The following PTGR3 variants were observed in gnomAD, a reference collection of about 807,000 sequenced individuals.
The protein encoded by PTGR3 is zinc binding alcohol dehydrogenase domain containing 2.
the PTGR3 span, chr18:75,208,599 A>G: frequency 3.0e-5 from 28 of 929,702 alleles, no homozygotes; most frequent in Middle Eastern, 1.6e-3. Flanking sequence ...GGGAATCCCA[A>G]ATTAAAATAA....
the PTGR3 span, chr18:75,201,295 C>A: frequency 4.6e-6 from 4 of 866,538 alleles, no homozygotes; most frequent in South Asian, 1.9e-5. Context: ...TTCATTAACA[C>A]CTTACTTTTG....
At chr18:75,208,706 C>T in the PTGR3 span, 3 of 930,856 alleles carry the variant, frequency 3.2e-6, no homozygotes, top group African/African-American at 1.7e-5. Flanking sequence ...TTCAACTTCC[C>T]GGGATCTCGC....
chr18:75,198,234 T>C, the PTGR3 span: 3 of 152,192 alleles, frequency 2.0e-5, no homozygotes, highest in African/African-American at 7.2e-5. Context: ...GCTTCCAGCA[T>C]CTTGTGGTGG....
At chr18:75,201,505 T>C in the PTGR3 span, 4 of 1,614,232 alleles carry the variant, frequency 2.5e-6, no homozygotes, top group Non-Finnish European at 8.5e-7. Context: ...GCACGGAATA[T>C]GGACTCCAGG....
the PTGR3 span, chr18:75,198,119 A>C: frequency 6.6e-6 from 1 of 152,240 alleles, no homozygotes; most frequent in East Asian, 1.9e-4. Context: ...CCCAGGTACA[A>C]GTCGGGTGGC....
At chr18:75,209,111 G>C in the PTGR3 span, 1 of 1,375,946 alleles carries the variant, frequency 7.3e-7, no homozygotes. This position sits in a 1 kb window ranked among gnomAD's most constrained non-coding sequence, Gnocchi z 4.7. Flanking sequence ...GTCGGCCCCC[G>C]CCCGGGCCGC....
chr18:75,202,135 TG>T, the PTGR3 span: 1 of 1,614,134 alleles, frequency 6.2e-7, no homozygotes, highest in Non-Finnish European at 8.5e-7. Context: ...GGAGTTGCAA[TG>T]CTGGCAGGCA....
At chr18:75,204,372 C>T in the PTGR3 span, among the ~76,000 whole-genome samples, 4 of 152,226 alleles carry the variant, frequency 2.6e-5, no homozygotes, top group Middle Eastern at 3.2e-3. Flanking sequence ...ACCGGGTTAG[C>T]AGAGGCCAAG....
the PTGR3 span, chr18:75,195,400 A>G: frequency 6.6e-6 from 1 of 152,216 alleles, no homozygotes; most frequent in Non-Finnish European, 1.5e-5. Context: ...ACCCCTAGTC[A>G]GCCGTATCCC....
chr18:75,203,261 TAGG>T, the PTGR3 span, among the ~76,000 whole-genome samples: 2 of 152,208 alleles, frequency 1.3e-5, no homozygotes, highest in Admixed American at 6.5e-5. Flanking sequence ...TCCTGATACA[TAGG>T]AGGAAAAAAG....
At chr18:75,208,969 G>C in the PTGR3 span, 1 of 1,595,004 alleles carries the variant, frequency 6.3e-7, no homozygotes, top group African/African-American at 1.4e-5. Flanking sequence ...GCATGGCTTG[G>C]GGAATGGCGG....
At chr18:75,201,865 C>A in the PTGR3 span, 6 of 1,614,164 alleles carry the variant, frequency 3.7e-6, no homozygotes, top group Non-Finnish European at 4.2e-6. Flanking sequence ...ACGGTACCTA[C>A]GGGTTCAGTT....
the PTGR3 span, chr18:75,196,207 T>G: frequency 6.6e-6 from 1 of 152,250 alleles, no homozygotes; most frequent in Non-Finnish European, 1.5e-5. Context: ...CCATCTTTCA[T>G]ATTAGATGCT....
the PTGR3 span, among the ~76,000 whole-genome samples, chr18:75,208,205 C>T: frequency 6.6e-6 from 1 of 152,264 alleles, no homozygotes; most frequent in Non-Finnish European, 1.5e-5. Flanking sequence ...CACCCCGACC[C>T]TGGCCCAGCT....
chr18:75,196,466 A>C, the PTGR3 span: 1 of 151,414 alleles, frequency 6.6e-6, no homozygotes, highest in Non-Finnish European at 1.5e-5. Context: ...CATCTCTAGT[A>C]AAAAAATACA....
the PTGR3 span, among the ~76,000 whole-genome samples, chr18:75,203,485 T>C: frequency 1.3e-5 from 2 of 152,210 alleles, no homozygotes; most frequent in South Asian, 2.1e-4. Flanking sequence ...ATATAGGTAA[T>C]ACTCTGCGCT....
the PTGR3 span, among the ~76,000 whole-genome samples, chr18:75,208,065 GTTACTAAAGAT>G: frequency 1.3e-5 from 2 of 152,234 alleles, no homozygotes; most frequent in Non-Finnish European, 2.9e-5. Flanking sequence ...TGCTTCGCCA[GTTACTAAAGAT>G]GAGTGAGGCG....
the PTGR3 span, chr18:75,200,789 T>C: frequency 2.6e-5 from 4 of 152,196 alleles, no homozygotes; most frequent in Non-Finnish European, 4.4e-5. Flanking sequence ...AGGTTGATGG[T>C]AGATAAAAGC....
At chr18:75,208,971 G>A in the PTGR3 span, 1 of 1,595,052 alleles carries the variant, frequency 6.3e-7, no homozygotes, top group Non-Finnish European at 8.5e-7. Context: ...ATGGCTTGGG[G>A]AATGGCGGAG....
Sources: allele counts gnomAD v4.1 joint callset (sites outside exome capture counted in the v4.1 genomes callset), GRCh38; gene constraint gnomAD v4.1.1; non-coding constraint Gnocchi (gnomAD v3.1); transcripts MANE v1.5; gene names NCBI Gene and HGNC (gene_info 2026-07-23, HGNC 2026-07-21).